Variants in CHN2 observed in about 807,000 individuals in gnomAD.
The protein encoded by CHN2 is chimerin 2, also known as beta-chimaerin.
CHN2 carries 35 observed loss-of-function variants against 56.3 expected under a neutral mutation model. The observed-to-expected ratio is 0.62, with a 90% CI of 0.47 to 0.82. The LOEUF is 0.82. Ranked by LOEUF, CHN2 falls within the 40% of genes least tolerant of loss-of-function variation. The pLI is 0.00. For missense variants in CHN2, 491 were observed against 580.5 expected (o/e 0.85, Z 1.58); for synonymous variants, 210 against 212.8 (o/e 0.99, Z 0.12).
At chr7:29,306,884 A>G (rs116380094) in intron 1 of CHN2, among the ~76,000 whole-genome samples, 114 of 152,350 alleles carry the variant, frequency 7.5e-4, no homozygotes, top group African/African-American at 2.6e-3. Context: ...CTCTAACACA[A>G]TAATGAGTGT....
intron 2 of CHN2, chr7:29,184,324 A>T (rs1798452303): frequency 6.6e-6 from 1 of 151,706 alleles, no homozygotes. Flanking sequence ...CTCATATCTC[A>T]TACATCTATG....
At chr7:29,176,444 G>A (rs1274881632) in intron 2 of CHN2, among the ~76,000 whole-genome samples, 2 of 152,118 alleles carry the variant, frequency 1.3e-5, no homozygotes, top group African/African-American at 4.8e-5. Flanking sequence ...AGAACACAAT[G>A]GGTATGTCTT....
intron 1 of CHN2, among the ~76,000 whole-genome samples, chr7:29,249,690 G>A (rs1788340269): frequency 6.6e-6 from 1 of 152,164 alleles, no homozygotes; most frequent in Non-Finnish European, 1.5e-5. Flanking sequence ...ATTCATCCAC[G>A]TGTATCTTGC....
Position 29,509,377 on chromosome 7 carries a change from C to T in CHN2, c.1206C>T (p.Thr402=). 3 of 1,613,930 alleles carry T rather than the reference C, an allele frequency of 1.9e-6. No homozygotes were observed. The highest frequency in any genetic ancestry group is 2.5e-6 in the Non-Finnish European group (3 of 1,179,860). ...TGCTGCCTCCTGCCCACTATGAAAC[C>T]CTCCGGTACCTAATGATCCACCTCA... ...LMLLPPAHYE[T]LRYLMIHLKK... is the part of the protein sequence containing the mutation. The change falls in exon 12 of 13, where the codon ACC becomes ACT. Residue 402 remains threonine, a synonymous_variant. Coordinates refer to ENST00000222792, the MANE Select transcript of CHN2 (RefSeq NM_004067.4).
chr7:29,216,058 A>G (rs1444316826), intron 1 of CHN2, among the ~76,000 whole-genome samples: 1 of 152,172 alleles, frequency 6.6e-6, no homozygotes, highest in East Asian at 1.9e-4. Flanking sequence ...AGAAGCAGCT[A>G]TTGTTGGGAG....
chr7:29,342,364 G>A (rs1022490501), intron 1 of CHN2, among the ~76,000 whole-genome samples: 11 of 152,194 alleles, frequency 7.2e-5, no homozygotes, highest in African/African-American at 2.7e-4. Flanking sequence ...TTGTAGTGGA[G>A]GACCTCAGCT....
At chr7:29,279,558 A>G (rs1791513357) in intron 1 of CHN2, among the ~76,000 whole-genome samples, 1 of 152,238 alleles carries the variant, frequency 6.6e-6, no homozygotes, top group Non-Finnish European at 1.5e-5. Flanking sequence ...GAGGTGCTGT[A>G]ATAGAGGTAC....
intron 1 of CHN2, among the ~76,000 whole-genome samples, chr7:29,258,654 A>G (rs1168828622): frequency 6.6e-6 from 1 of 152,236 alleles, no homozygotes; most frequent in Non-Finnish European, 1.5e-5. Context: ...TAGTGAGGAC[A>G]CAGCTTCTGA....
In CHN2 at chr7:29,283,697, C is replaced by T. The variant is rs150334404; in HGVS notation, c.50-70928C>T. ...GCAGTGGCACAATCTTGGCTCACCACAACCTCCACCTCCCGAGTTCAAGCA... is the reference window on the plus strand; with the variant it reads ...GCAGTGGCACAATCTTGGCTCACCATAACCTCCACCTCCCGAGTTCAAGCA... On this transcript the variant is annotated intron_variant, in intron 1 of 12. Coordinates refer to ENST00000222792, the MANE Select transcript of CHN2 (RefSeq NM_004067.4). Among the ~76,000 whole-genome samples, 467 of 152,216 alleles carry T rather than the reference C, an allele frequency of 3.1e-3. 7 individuals are homozygous for T. The East Asian group carries it at 0.04, about 13-fold the overall frequency.
At chr7:29,232,908 CAT>C (rs1317740282) in intron 1 of CHN2, among the ~76,000 whole-genome samples, 1 of 152,222 alleles carries the variant, frequency 6.6e-6, no homozygotes, top group South Asian at 2.1e-4. Context: ...GAATTGTCCT[CAT>C]GTGTACATAT....
chr7:29,201,510 G>A (rs1167834354), intron 1 of CHN2, among the ~76,000 whole-genome samples: 1 of 151,802 alleles, frequency 6.6e-6, no homozygotes, highest in African/African-American at 2.4e-5. Flanking sequence ...TATTTTAAAT[G>A]GGCCTCAGAT....
At chr7:29,196,360 A>C (rs1783714460) in intron 1 of CHN2, among the ~76,000 whole-genome samples, 2 of 152,196 alleles carry the variant, frequency 1.3e-5, no homozygotes, top group African/African-American at 4.8e-5. Flanking sequence ...ATATAGTTCA[A>C]GTTTCTAGTA....
chr7:29,357,255 C>T (rs760951746), intron 2 of CHN2, among the ~76,000 whole-genome samples: 14 of 152,222 alleles, frequency 9.2e-5, no homozygotes, highest in Non-Finnish European at 1.5e-4. Context: ...TTATATCCAA[C>T]TAATAGTCCT....
Position 29,482,428 on chromosome 7 carries a change from G to A in CHN2, c.654+2072G>A, listed in dbSNP as rs151156168. On this transcript the variant is annotated intron_variant, in intron 7 of 12. Coordinates refer to ENST00000222792, the MANE Select transcript of CHN2 (RefSeq NM_004067.4). ...CCCTCAATCTCCCCACTCCTCACCC[G>A]CAACTAACTCTAGGTGGAAACTTTA... Among the ~76,000 whole-genome samples the A allele has an allele frequency of 2.2e-4, 33 of 152,064 alleles. No individual in the cohort carries two copies. In the East Asian group the frequency reaches 5.0e-3, roughly 23 times the overall value.
In CHN2 at chr7:29,194,971, C is replaced by T; in HGVS notation, c.30C>T (p.Ser10=). 2 of 1,586,044 alleles carry T rather than the reference C, an allele frequency of 1.3e-6. No homozygotes were observed. Among genetic ancestry groups the T allele is most frequent in the Non-Finnish European group, 1.7e-6 (2 of 1,168,862 alleles). The change falls in exon 1 of 13, where the codon TCC becomes TCT. Residue 10 remains serine, a synonymous_variant. Coordinates refer to ENST00000222792, the MANE Select transcript of CHN2 (RefSeq NM_004067.4). The part of the protein sequence containing the change: MAASSNSSL[S]GSSVSSDAEE... ...CAGCGTCCAGCAACTCCAGCCTGTC[C>T]GGCTCGTCGGTGTCCTCCGGTGAGT...
intron 6 of CHN2, among the ~76,000 whole-genome samples, chr7:29,466,463 T>C (rs1417722997): frequency 6.6e-6 from 1 of 152,210 alleles, no homozygotes; most frequent in Admixed American, 6.5e-5. Context: ...TTTAGTTCTC[T>C]TGGCTAAAGA....
chr7:29,469,850 C>A (rs1461946163), intron 6 of CHN2, among the ~76,000 whole-genome samples: 1 of 151,964 alleles, frequency 6.6e-6, no homozygotes, highest in East Asian at 1.9e-4. Context: ...ATCTCACTGG[C>A]CTAATACAGT....
At chr7:29,490,154 C>G (rs906457140) in intron 7 of CHN2, among the ~76,000 whole-genome samples, 19 of 149,870 alleles carry the variant, frequency 1.3e-4, no homozygotes, top group African/African-American at 2.5e-5. Context: ...GAAAAGAATG[C>G]CTTTCAAAAC....
At chr7:29,233,606 T>C (rs1456246904) in intron 1 of CHN2, among the ~76,000 whole-genome samples, 1 of 152,060 alleles carries the variant, frequency 6.6e-6, no homozygotes, top group Non-Finnish European at 1.5e-5. Flanking sequence ...CCTGTGGGTC[T>C]GATGTATTCA....
Sources: allele counts gnomAD v4.1 joint callset (sites outside exome capture counted in the v4.1 genomes callset), GRCh38; gene constraint gnomAD v4.1.1; transcripts MANE v1.5; gene names NCBI Gene and HGNC (gene_info 2026-07-23, HGNC 2026-07-21).